ERG: variants seen among roughly 807,000 people sequenced by gnomAD.
ERG encodes transcriptional regulator ERG.
In ERG, 9 loss-of-function variants were observed where a neutral mutation model predicts 55.3. The ratio of observed to expected loss-of-function variants is 0.16; its 90% CI spans 0.10 to 0.28. The LOEUF is 0.28. Among genes scored for constraint, ERG ranks in the 10% least tolerant of loss-of-function variants. The probability of loss-of-function intolerance (pLI) is 1.00; values close to 1 mark genes in which losing one functional copy is unlikely to be tolerated. For missense variants in ERG, 434 were observed against 631.6 expected, an observed-to-expected ratio of 0.69 and a Z score of 3.35; for synonymous variants, 223 against 237.3, an observed-to-expected ratio of 0.94 and a Z score of 0.55.
chr21:38,522,160 A>T (rs2059599739), intron 2 of ERG, among the ~76,000 whole-genome samples: 1 of 152,294 alleles, frequency 6.6e-6, no homozygotes, highest in African/African-American at 2.4e-5. Flanking sequence ...AGCCCCCAGG[A>T]AAAATAAATT....
chr21:38,503,242 T>C (rs2059434629), upstream of ERG, among the ~76,000 whole-genome samples: 2 of 152,206 alleles, frequency 1.3e-5, no homozygotes. Context: ...TGTTCATTTT[T>C]GTAAATATCT....
At chr21:38,529,076 A>G (rs928482354) in intron 2 of ERG, among the ~76,000 whole-genome samples, 8 of 152,156 alleles carry the variant, frequency 5.3e-5, no homozygotes, top group African/African-American at 1.9e-4. Context: ...CAGTGTGGCC[A>G]CAGCAGAGTG....
chr21:38,473,420 TATATAC>T lies in ERG; in HGVS notation c.18+24937_18+24942del, dbSNP rs1198437150. ...TAATATGACCTTGCATTCAATTATA[TATATAC>T]ATATATATATATATACAAAGCTGTT... On this transcript the variant is annotated intron_variant, in intron 1 of 9. Transcript: ENST00000288319. Among the ~76,000 whole-genome samples the T allele has an allele frequency of 4.3e-4, 62 of 144,038 alleles. 2 individuals are homozygous for T. The South Asian group carries it at 0.011, about 26-fold the overall frequency. The allele number at this position is 144,038 out of a possible 152,430, so 94.5% of individuals were successfully genotyped here.
chr21:38,509,450 G>C lies in ERG; in HGVS notation c.-41+66212C>G, dbSNP rs564489994. Among the ~76,000 whole-genome samples, 62 of 152,246 alleles carry C rather than the reference G, an allele frequency of 4.1e-4. No individual in the cohort carries two copies. In the South Asian group the frequency reaches 0.013, roughly 32 times the overall value. ...TATGCCAAAATTACAACAGTATTTT[G>C]ACCCAACAGAAAGGACATAAGAAGG... On this transcript the variant is annotated intron_variant, in intron 2 of 8. Coordinates refer to the ERG transcript ENST00000398897.
intron 1 of ERG, among the ~76,000 whole-genome samples, chr21:38,482,806 T>C (rs962748054): frequency 6.6e-6 from 1 of 151,866 alleles, no homozygotes; most frequent in Non-Finnish European, 1.5e-5. Flanking sequence ...GCCTCCCACA[T>C]AGCTAGGATT....
chr21:38,557,919 T>C (rs2059868105), intron 2 of ERG, among the ~76,000 whole-genome samples: 1 of 152,240 alleles, frequency 6.6e-6, no homozygotes, highest in Non-Finnish European at 1.5e-5. Context: ...GCACTTCAAC[T>C]AATGAACAAA....
intron 1 of ERG, chr21:38,474,267 A>G (rs770307454): frequency 1.3e-5 from 2 of 151,968 alleles, no homozygotes; most frequent in Non-Finnish European, 2.9e-5. Context: ...GGAAATGGCA[A>G]ATTCCTCAGT....
downstream of ERG, among the ~76,000 whole-genome samples, chr21:38,377,979 TG>T (rs1418314485): frequency 1.3e-5 from 2 of 152,200 alleles, no homozygotes; most frequent in Non-Finnish European, 2.9e-5. Context: ...ACCATTCACC[TG>T]GGCCCTGCAG....
intron 3 of ERG, 123 bp downstream of exon 3, chr21:38,423,287 C>G: frequency 9.6e-7 from 1 of 1,036,744 alleles, no homozygotes; most frequent in Non-Finnish European, 1.4e-6. Flanking sequence ...CATTTACAAG[C>G]CCTGCTCTGG....
chr21:38,660,280 C>T (rs1353973663), intron 1 of ERG, among the ~76,000 whole-genome samples: 2 of 152,262 alleles, frequency 1.3e-5, no homozygotes, highest in African/African-American at 4.8e-5. Flanking sequence ...GTGTGCTCTC[C>T]TGGCCCTTGT....
intron 1 of ERG, chr21:38,449,155 G>A (rs538248896): frequency 4.0e-4 from 61 of 152,286 alleles, no homozygotes; most frequent in African/African-American, 1.4e-3. Context: ...TATTTTAAAC[G>A]TCAAAATCTG....
Position 38,381,877 on chromosome 21 carries a change from T to C in ERG, c.*1526A>G, listed in dbSNP as rs1987456192. On this transcript the variant is annotated 3_prime_UTR_variant, in exon 10 of 10. Transcript: ENST00000288319. ...AAGGACCTGGAGAGGCTGACGCCAT[T>C]TGGGTGCCAAACATCCTATTTCCTT... is the stretch of plus-strand genomic sequence containing the variant. 9.4e-7 allele frequency: 1 copy of C among 1,063,502 alleles called. No homozygotes were observed. Among genetic ancestry groups the C allele is most frequent in the African/African-American group, 1.6e-5 (1 of 60,984 alleles). 65.9% of individuals were successfully genotyped at this position (1,063,502 alleles called of 1,614,324 possible). A position where few individuals can be genotyped will look rare whatever the true frequency, so the allele number is the denominator to read the frequency against.
intron 1 of ERG, among the ~76,000 whole-genome samples, chr21:38,640,968 C>T (rs954608183): frequency 6.6e-6 from 1 of 152,152 alleles, no homozygotes; most frequent in Non-Finnish European, 1.5e-5. Flanking sequence ...AGAAATATAA[C>T]AACTAGAATA....
chr21:38,450,678 T>C (rs546413210), intron 1 of ERG, among the ~76,000 whole-genome samples: 2 of 152,222 alleles, frequency 1.3e-5, no homozygotes, highest in East Asian at 3.8e-4. Context: ...AGCACTTTCA[T>C]GCAATATCCT....
intron 1 of ERG, among the ~76,000 whole-genome samples, chr21:38,577,863 C>T (rs1003549691): frequency 2.0e-5 from 3 of 152,196 alleles, no homozygotes; most frequent in Non-Finnish European, 4.4e-5. Flanking sequence ...CACATGCTGA[C>T]GCTCACACCA....
At chr21:38,487,776 T>C (rs1331495554) in intron 1 of ERG, among the ~76,000 whole-genome samples, 7 of 152,238 alleles carry the variant, frequency 4.6e-5, no homozygotes, top group Non-Finnish European at 1.0e-4. Flanking sequence ...AAAGCAGTCT[T>C]CATTCAAACA....
chr21:38,549,541 G>A (rs777535778), intron 2 of ERG, among the ~76,000 whole-genome samples: 6 of 152,190 alleles, frequency 3.9e-5, no homozygotes, highest in Admixed American at 6.5e-5. Flanking sequence ...TGTCCTGATT[G>A]TTGGGGTTTA....
Position 38,382,297 on chromosome 21 carries a change from GA to G in ERG, c.*1105del. On this transcript the variant is annotated 3_prime_UTR_variant, in exon 10 of 10. Coordinates refer to ENST00000288319, the MANE Select transcript of ERG (RefSeq NM_182918.4). ...AACGCACAGCGTTCGCGACTCAAAG[GA>G]AAACTGGAGGCCGCCTACCCAAAAT... 4 of 1,054,678 alleles carry G rather than the reference GA, an allele frequency of 3.8e-6. No individual in the cohort carries two copies. Among genetic ancestry groups the G allele is most frequent in the Non-Finnish European group, 3.4e-6 (3 of 872,378 alleles). The allele number at this position is 1,054,678 out of a possible 1,614,324, so 65.3% of individuals were successfully genotyped here.
rs2060511036 is a variant in ERG at position 38,655,104 on chromosome 21, CCTTCA to C, written c.-150+6549_-150+6553del. 1.3e-5 allele frequency among the ~76,000 whole-genome samples: 2 copies of C among 152,102 alleles called. 1 individual carries two copies. The highest frequency in any genetic ancestry group is 4.1e-4 in the South Asian group (2 of 4,832). ...AAAACATTTCATTTTGCTAGTACAT[CCTTCA>C]CTTATTATTTATACTCTGCTTAGAT... is the stretch of plus-strand genomic sequence containing the variant. On this transcript the variant is annotated intron_variant, in intron 1 of 10. Transcript: ENST00000398910.
Sources: allele counts gnomAD v4.1 joint callset (sites outside exome capture counted in the v4.1 genomes callset), GRCh38; gene constraint gnomAD v4.1.1; transcripts MANE v1.5; gene names NCBI Gene and HGNC (gene_info 2026-07-23, HGNC 2026-07-21).